The following TNNI3K variants were observed in gnomAD, a reference collection of about 807,000 sequenced individuals.
TNNI3K encodes TNNI3 interacting kinase.
TNNI3K carries 140 observed loss-of-function variants against 114.5 expected under a neutral mutation model. The observed-to-expected ratio is 1.22, with a 90% CI of 1.07 to 1.41. The LOEUF (loss-of-function observed/expected upper bound fraction) is 1.41, where lower values mean the gene tolerates loss of function less well. Among genes scored for constraint, TNNI3K ranks in the 40% most tolerant of loss-of-function variants. The probability of loss-of-function intolerance (pLI) is 0.00; values close to 1 mark genes in which losing one functional copy is unlikely to be tolerated. For synonymous variants in TNNI3K, 347 were observed against 347.5 expected (o/e 1.00, Z 0.02); for missense variants, 1,125 against 1,007.6 (o/e 1.12, Z -1.58).
At chr1:74,357,763 C>T (rs1661740251) in intron 11 of TNNI3K, among the ~76,000 whole-genome samples, 1 of 152,030 alleles carries the variant, frequency 6.6e-6, no homozygotes, top group Non-Finnish European at 1.5e-5. Context: ...TTTAGAGTGT[C>T]TCCCCTCCCC....
At chr1:74,409,171 A>G (rs902877166) in intron 17 of TNNI3K, among the ~76,000 whole-genome samples, 2 of 152,178 alleles carry the variant, frequency 1.3e-5, no homozygotes, top group Non-Finnish European at 2.9e-5. Context: ...ACTTGAGGAC[A>G]CTGAGGTTAA....
intron 17 of TNNI3K, among the ~76,000 whole-genome samples, chr1:74,395,386 CCA>C (rs1664024645): frequency 6.6e-6 from 1 of 151,998 alleles, no homozygotes; most frequent in South Asian, 2.1e-4. Context: ...GAGATGCATC[CCA>C]CCTGATTTAG....
chr1:74,257,815 C>T (rs1384795738), intron 4 of TNNI3K, among the ~76,000 whole-genome samples: 1 of 151,736 alleles, frequency 6.6e-6, no homozygotes, highest in Non-Finnish European at 1.5e-5. Context: ...CTACAGGCGC[C>T]CGCCACCACG....
intron 5 of TNNI3K, among the ~76,000 whole-genome samples, chr1:74,275,553 G>A (rs758348076): frequency 1.3e-5 from 2 of 151,738 alleles, no homozygotes; most frequent in East Asian, 3.9e-4. Context: ...TTATGAGAGG[G>A]GATTTAAAAT....
At chr1:74,347,985 G>A (rs1661111755) in intron 9 of TNNI3K, among the ~76,000 whole-genome samples, 1 of 152,186 alleles carries the variant, frequency 6.6e-6, no homozygotes, top group African/African-American at 2.4e-5. Flanking sequence ...TTGCTGTGCA[G>A]AAGTTCTTTA....
At chr1:74,489,102 A>G (rs376798530) in intron 21 of TNNI3K, 87 bp from the exon 22 acceptor site, 1 of 1,077,926 alleles carries the variant, frequency 9.3e-7, no homozygotes, top group South Asian at 1.5e-5. Context: ...CTCATTCTTT[A>G]CAAATGCTAA....
chr1:74,353,198 G>A (rs1661469028), intron 9 of TNNI3K, 68 bp from the exon 10 acceptor site: 3 of 1,535,310 alleles, frequency 2.0e-6, no homozygotes, highest in African/African-American at 2.8e-5. Flanking sequence ...GAGGTGTAGG[G>A]GAGAGGGCAC....
chr1:74,337,368 G>A (rs1216525821), intron 7 of TNNI3K, among the ~76,000 whole-genome samples: 1 of 151,360 alleles, frequency 6.6e-6, no homozygotes, highest in Admixed American at 6.6e-5. Flanking sequence ...GATCCCATTT[G>A]TCAATTTTGG....
intron 11 of TNNI3K, among the ~76,000 whole-genome samples, chr1:74,357,039 A>C (rs1661698131): frequency 6.6e-6 from 1 of 152,180 alleles, no homozygotes; most frequent in Non-Finnish European, 1.5e-5. Context: ...TCATGTGTTC[A>C]GGGAGAACTG....
At chr1:74,282,199 A>C (rs1258649177) in intron 5 of TNNI3K, among the ~76,000 whole-genome samples, 2 of 152,074 alleles carry the variant, frequency 1.3e-5, no homozygotes, top group Non-Finnish European at 2.9e-5. Flanking sequence ...AGAGACCAAG[A>C]TGCCAGACAT....
chr1:74,324,817 A>G (rs917485306), intron 5 of TNNI3K, among the ~76,000 whole-genome samples: 6 of 152,184 alleles, frequency 3.9e-5, no homozygotes, highest in African/African-American at 1.4e-4. Flanking sequence ...GTAAGCAGGC[A>G]CTAGCTCTGT....
intron 17 of TNNI3K, among the ~76,000 whole-genome samples, chr1:74,413,594 T>G (rs1404250091): frequency 6.6e-6 from 1 of 152,206 alleles, no homozygotes; most frequent in Admixed American, 6.5e-5. Context: ...TTACCTTTAA[T>G]AAAACTAAAA....
At chr1:74,467,561 A>G (rs1446109707) in intron 21 of TNNI3K, among the ~76,000 whole-genome samples, 1 of 151,886 alleles carries the variant, frequency 6.6e-6, no homozygotes, top group African/African-American at 2.4e-5. Flanking sequence ...TTTGGACGTG[A>G]AATTATGGCA....
At chr1:74,352,991 G>C (rs1013549796) in intron 9 of TNNI3K, among the ~76,000 whole-genome samples, 2 of 152,192 alleles carry the variant, frequency 1.3e-5, no homozygotes, top group Non-Finnish European at 2.9e-5. Context: ...TCCCCAGTGA[G>C]ATGAACCCAG....
chr1:74,347,855 T>C (rs1291579593), intron 9 of TNNI3K, among the ~76,000 whole-genome samples: 1 of 152,210 alleles, frequency 6.6e-6, no homozygotes, highest in Admixed American at 6.5e-5. Context: ...GTTGTTTTTT[T>C]CTTGTAAATT....
At chr1:74,327,556 T>C (rs1300496188) in intron 5 of TNNI3K, among the ~76,000 whole-genome samples, 1 of 146,568 alleles carries the variant, frequency 6.8e-6, no homozygotes, top group Non-Finnish European at 1.5e-5. Flanking sequence ...AATATATATC[T>C]CAGTAGTAGT....
At chr1:74,425,847 CGAAGG>C (rs1488613272) in intron 17 of TNNI3K, among the ~76,000 whole-genome samples, 2 of 151,942 alleles carry the variant, frequency 1.3e-5, no homozygotes, top group Non-Finnish European at 2.9e-5. Context: ...ACAGCATTGA[CGAAGG>C]GTTAGAGCTA....
chr1:74,505,698 AT>A (rs1669860405), intron 23 of TNNI3K, among the ~76,000 whole-genome samples: 1 of 152,178 alleles, frequency 6.6e-6, no homozygotes, highest in Non-Finnish European at 1.5e-5. Context: ...ACCAGTTGTC[AT>A]TTCTCATTAT....
Position 74,445,650 on chromosome 1 carries a change from G to A in TNNI3K, c.2011+6028G>A, listed in dbSNP as rs1232989238. ...TTTTGAGACGGAGTCTCGCTCTGTC[G>A]CCCAGGCTGGAGTGCAGTGGCGGGA... On this transcript the variant is annotated intron_variant, in intron 20 of 24. Coordinates refer to ENST00000326637, the MANE Select transcript of TNNI3K (RefSeq NM_015978.3). Among the ~76,000 whole-genome samples the A allele has an allele frequency of 2.6e-3, 341 of 131,308 alleles. 2 individuals are homozygous for A. Among genetic ancestry groups the A allele is most frequent in the African/African-American group, 9.1e-3 (304 of 33,256 alleles). The allele number at this position is 131,308 out of a possible 152,430, so 86.1% of individuals were successfully genotyped here. A position where few individuals can be genotyped will look rare whatever the true frequency, so the allele number is the denominator to read the frequency against.
Sources: allele counts gnomAD v4.1 joint callset (sites outside exome capture counted in the v4.1 genomes callset), GRCh38; gene constraint gnomAD v4.1.1; transcripts MANE v1.5; gene names NCBI Gene and HGNC (gene_info 2026-07-23, HGNC 2026-07-21).